The following IMPG1 variants were observed in gnomAD, a reference collection of about 807,000 sequenced individuals.
IMPG1 encodes the protein interphotoreceptor matrix proteoglycan of 150 kDa.
A neutral mutation model predicts 92.0 loss-of-function variants in IMPG1; 85 were observed. The observed-to-expected ratio is 0.92, with a 90% CI of 0.78 to 1.11. The LOEUF is 1.11. Ranked by LOEUF, IMPG1 falls within the 50% of genes least tolerant of loss-of-function variation. The pLI is 0.00. For missense variants in IMPG1, 1,022 were observed against 956.0 expected (o/e 1.07, Z -0.91); for synonymous variants, 367 against 334.1 (o/e 1.10, Z -1.08).
intron 12 of IMPG1, among the ~76,000 whole-genome samples, chr6:75,958,004 T>C (rs886473444): frequency 2.0e-5 from 3 of 152,242 alleles, no homozygotes; most frequent in African/African-American, 7.2e-5. Context: ...GTAGTGTCTA[T>C]GGTCTTTACA....
chr6:76,063,031 C>T (rs187043697), intron 1 of IMPG1, among the ~76,000 whole-genome samples: 7 of 151,790 alleles, frequency 4.6e-5, no homozygotes, highest in African/African-American at 1.2e-4. Context: ...TAGTGAAACC[C>T]TGCCTCTACT....
intron 8 of IMPG1, among the ~76,000 whole-genome samples, chr6:76,010,887 C>G (rs1783171683): frequency 6.6e-6 from 1 of 152,298 alleles, no homozygotes; most frequent in South Asian, 2.1e-4. Flanking sequence ...TCATTCATAA[C>G]CACATGACCA....
intron 4 of IMPG1, among the ~76,000 whole-genome samples, chr6:76,025,850 T>C (rs761032288): frequency 7.2e-5 from 11 of 152,068 alleles, no homozygotes; most frequent in Non-Finnish European, 1.3e-4. Context: ...GTGGAAGAGA[T>C]TCTAGGAGCA....
At chr6:76,009,684 A>G (rs1300383232) in intron 8 of IMPG1, among the ~76,000 whole-genome samples, 2 of 152,228 alleles carry the variant, frequency 1.3e-5, no homozygotes, top group East Asian at 3.8e-4. Context: ...ATAAATCCTT[A>G]CAAAGATAAG....
At chr6:75,990,522 G>A (rs920039177) in intron 12 of IMPG1, among the ~76,000 whole-genome samples, 3 of 151,928 alleles carry the variant, frequency 2.0e-5, no homozygotes, top group African/African-American at 7.3e-5. Flanking sequence ...GGGAGGCTGA[G>A]GCAGGAGGAT....
At chr6:76,035,050 A>G (rs1174742089) in intron 2 of IMPG1, among the ~76,000 whole-genome samples, 2 of 151,990 alleles carry the variant, frequency 1.3e-5, no homozygotes, top group Non-Finnish European at 2.9e-5. Flanking sequence ...GCAGTTTAAA[A>G]TAGAGTGGTT....
chr6:75,968,913 G>A (rs1201619617), intron 12 of IMPG1, among the ~76,000 whole-genome samples: 1 of 152,076 alleles, frequency 6.6e-6, no homozygotes, highest in Non-Finnish European at 1.5e-5. Context: ...CCTAGTCTGT[G>A]ATATGAAATC....
At chr6:75,976,011 C>T (rs192948560) in intron 12 of IMPG1, among the ~76,000 whole-genome samples, 56 of 151,872 alleles carry the variant, frequency 3.7e-4, no homozygotes, top group African/African-American at 1.3e-3. Flanking sequence ...GCTGTACAAA[C>T]GGTAGGTTGG....
chr6:75,933,070 G>A (rs923081092), intron 14 of IMPG1, among the ~76,000 whole-genome samples: 7 of 152,130 alleles, frequency 4.6e-5, no homozygotes, highest in Non-Finnish European at 8.8e-5. Flanking sequence ...CCTACTCTTT[G>A]CTATTGATTT....
intron 12 of IMPG1, among the ~76,000 whole-genome samples, chr6:76,002,194 A>G (rs1783003925): frequency 6.6e-6 from 1 of 152,196 alleles, no homozygotes; most frequent in Non-Finnish European, 1.5e-5. Context: ...TAGAGTGGAA[A>G]GAATAGGGGT....
At chr6:76,053,037 C>T (rs1408525472) in intron 1 of IMPG1, among the ~76,000 whole-genome samples, 1 of 152,152 alleles carries the variant, frequency 6.6e-6, no homozygotes, top group East Asian at 1.9e-4. Flanking sequence ...TGTATAGGTT[C>T]AGGCTGATTA....
chr6:75,978,966 C>A (rs766077155), intron 12 of IMPG1, among the ~76,000 whole-genome samples: 1 of 152,098 alleles, frequency 6.6e-6, no homozygotes, highest in Non-Finnish European at 1.5e-5. Context: ...GGCTGGAATG[C>A]GGTGACATGA....
chr6:76,047,179 A>G (rs969909464), intron 1 of IMPG1, among the ~76,000 whole-genome samples: 1 of 152,190 alleles, frequency 6.6e-6, no homozygotes, highest in Non-Finnish European at 1.5e-5. Flanking sequence ...CCTCAGACAG[A>G]ACTATGTCTA....
At chr6:76,041,575 A>G (rs1783842307) in intron 2 of IMPG1, among the ~76,000 whole-genome samples, 1 of 152,194 alleles carries the variant, frequency 6.6e-6, no homozygotes. Context: ...TATGAACAAC[A>G]TTAAAATGGA....
At chr6:76,015,784 G>A (rs1783275009) in intron 7 of IMPG1, among the ~76,000 whole-genome samples, 2 of 87,316 alleles carry the variant, frequency 2.3e-5, no homozygotes, top group Admixed American at 1.9e-4. Context: ...TGGGCAACAA[G>A]AGTTAAACTC....
chr6:76,038,214 G>T (rs370314798), intron 2 of IMPG1, among the ~76,000 whole-genome samples: 2 of 152,128 alleles, frequency 1.3e-5, no homozygotes, highest in South Asian at 4.1e-4. Context: ...TCCTAGTTCT[G>T]CTCCTTTCCC....
At chr6:75,977,963 C>A (rs373468593) in intron 12 of IMPG1, among the ~76,000 whole-genome samples, 1 of 151,932 alleles carries the variant, frequency 6.6e-6, no homozygotes, top group Admixed American at 6.6e-5. Context: ...CTTTGTTGCC[C>A]AGACTGAAGT....
intron 15 of IMPG1, 136 bp from the exon 16 acceptor site, chr6:75,923,842 G>T (rs1323290794): frequency 1.8e-6 from 1 of 567,792 alleles, no homozygotes; most frequent in Non-Finnish European, 3.1e-6. Flanking sequence ...GGTGTCTTCC[G>T]TTTGAGTTGG....
intron 12 of IMPG1, among the ~76,000 whole-genome samples, chr6:75,960,152 G>A (rs1473379747): frequency 2.6e-5 from 4 of 152,110 alleles, no homozygotes; most frequent in Non-Finnish European, 5.9e-5. Context: ...CCTGGGTGAG[G>A]TGATGCCCCA....
Sources: allele counts gnomAD v4.1 joint callset (sites outside exome capture counted in the v4.1 genomes callset), GRCh38; gene constraint gnomAD v4.1.1; transcripts MANE v1.5; gene names NCBI Gene and HGNC (gene_info 2026-07-23, HGNC 2026-07-21).